Variants in STK35 observed in about 807,000 individuals in gnomAD.
STK35 encodes serine/threonine kinase 35, also known as serine/threonine-protein kinase 35.
A neutral mutation model predicts 37.3 loss-of-function variants in STK35; 17 were observed. That is an observed-to-expected ratio of 0.46 (90% confidence interval 0.31 to 0.68). The LOEUF (loss-of-function observed/expected upper bound fraction) is 0.68. STK35 is among the 30% of genes least tolerant of loss of function. The pLI is 0.05. For missense variants in STK35, 595 were observed against 746.7 expected (o/e 0.80, Z 2.37); for synonymous variants, 385 against 319.1 (o/e 1.21, Z -2.20).
chr20:2,103,452 C>G, intron 2 of STK35, 87 bp downstream of exon 2: 1 of 1,321,462 alleles, frequency 7.6e-7, no homozygotes, highest in Non-Finnish European at 1.0e-6. Context: ...CCTGGCCTTC[C>G]TAGGCCTCAG....
At position 2,116,956 on chromosome 20, in the gene STK35, G is replaced by C; in HGVS notation, c.1183G>C (p.Gly395Arg). The change falls in exon 3 of 4, where the codon GGC (glycine) becomes CGC (arginine). Residue 395 changes from glycine to arginine, a missense_variant. Physicochemically the swap from Gly to Arg is moderately radical, Grantham distance 125. Coordinates refer to ENST00000381482, the MANE Select transcript of STK35 (RefSeq NM_080836.4). ...SKVCAGLAPR[G>R]KEGNQDNKNV... ...GGTCTGTGCTGGGCTGGCACCCCGA[G>C]GCAAAGAGGGCAATCAAGACAACAA... 6.2e-7 allele frequency: 1 copy of C among 1,614,168 alleles called. No individual in the cohort carries two copies. The highest frequency in any genetic ancestry group is 8.5e-7 in the Non-Finnish European group (1 of 1,180,036).
chr20:2,129,952 A>C (rs1428163864), intron 3 of STK35, among the ~76,000 whole-genome samples: 3 of 152,134 alleles, frequency 2.0e-5, no homozygotes, highest in African/African-American at 7.2e-5. Flanking sequence ...GTAGCTGCCC[A>C]GGTTAGGGGA....
chr20:2,110,932 A>G (rs1312580497), intron 2 of STK35, among the ~76,000 whole-genome samples: 2 of 152,208 alleles, frequency 1.3e-5, no homozygotes, highest in African/African-American at 4.8e-5. Flanking sequence ...TCAACTAGGC[A>G]AGTTACTTAA....
intron 3 of STK35, among the ~76,000 whole-genome samples, chr20:2,118,049 GAATAA>G (rs1267397510): frequency 6.6e-6 from 1 of 152,140 alleles, no homozygotes; most frequent in Non-Finnish European, 1.5e-5. Context: ...GGTTTTCAGA[GAATAA>G]ACACTATCTC....
chr20:2,139,723 T>TG (rs1438998188), intron 3 of STK35, among the ~76,000 whole-genome samples: 1 of 152,222 alleles, frequency 6.6e-6, no homozygotes, highest in Non-Finnish European at 1.5e-5. Flanking sequence ...AAAGCAGTGT[T>TG]GCTTTACGAG....
Position 2,145,888 on chromosome 20 carries a change from G to T in STK35, c.*2142G>T, listed in dbSNP as rs1986256677. On this transcript the variant is annotated 3_prime_UTR_variant, in exon 4 of 4. Coordinates refer to ENST00000381482, the MANE Select transcript of STK35 (RefSeq NM_080836.4). ...CCCACACTGTAACATCCCTAGTGAG[G>T]CTCCAGCCTAATGAGCCCCTTATTT... The T allele has an allele frequency of 6.6e-6, 1 of 152,092 alleles. No homozygotes were observed. The highest frequency in any genetic ancestry group is 1.5e-5 in the Non-Finnish European group (1 of 68,036). 9.4% of individuals were successfully genotyped at this position (152,092 alleles called of 1,614,324 possible).
In STK35 at chr20:2,102,108, C is replaced by T. The variant is rs765543919; in HGVS notation, c.227C>T (p.Ala76Val). 2.1e-6 allele frequency: 3 copies of T among 1,450,134 alleles called. No individual in the cohort carries two copies. In the South Asian group the frequency reaches 3.9e-5, roughly 19 times the overall value. The allele number at this position is 1,450,134 out of a possible 1,614,324, so 89.8% of individuals were successfully genotyped here. The change falls in exon 1 of 4, where the codon GCG becomes GTG. Residue 76 changes from alanine (A) to valine (V), a missense_variant. By Grantham distance (64) the Ala-to-Val change is moderately conservative. Around this residue, in one of 3 missense-constraint regions of STK35, gnomAD observed 389 missense variants for 320.0 expected, o/e 1.22. Coordinates refer to ENST00000381482, the MANE Select transcript of STK35 (RefSeq NM_080836.4). Reference protein sequence around the residue: ...ARSRRQPGPGADHPQAGAPGG... With the variant: ...ARSRRQPGPGVDHPQAGAPGG... The stretch of plus-strand genomic sequence containing the variant: ...TCCCGGAGGCAGCCCGGGCCCGGAG[C>T]GGACCATCCCCAGGCAGGGGCTCCA...
intron 3 of STK35, among the ~76,000 whole-genome samples, chr20:2,130,046 G>C (rs547577403): frequency 1.9e-4 from 29 of 152,326 alleles, no homozygotes; most frequent in Admixed American, 2.0e-4. Flanking sequence ...AGGTAGGAAG[G>C]AGTGGCTCAG....
At chr20:2,102,371 G>A (rs1279920133) in intron 1 of STK35, among the ~76,000 whole-genome samples, 196 bp downstream of exon 1, 1 of 152,192 alleles carries the variant, frequency 6.6e-6, no homozygotes, top group Non-Finnish European at 1.5e-5. Context: ...TAATTCAATG[G>A]ACTGTTTACA....
At chr20:2,111,242 A>G (rs1985611922) in intron 2 of STK35, among the ~76,000 whole-genome samples, 1 of 152,114 alleles carries the variant, frequency 6.6e-6, no homozygotes. Flanking sequence ...AACTTGTTTC[A>G]TTGTCCAAGA....
intron 2 of STK35, among the ~76,000 whole-genome samples, chr20:2,104,859 G>C (rs755524636): frequency 1.3e-5 from 2 of 151,940 alleles, no homozygotes; most frequent in South Asian, 2.1e-4. Flanking sequence ...TTTTTGTTTT[G>C]AAAAGACTTC....
Position 2,102,043 on chromosome 20 carries a change from T to C in STK35, c.162T>C (p.Ala54=). The part of the protein sequence containing the change: ...PASAAAAEGS[A]TRRARAATSR... ...GCGCCGCGGCAGCAGAAGGATCCGC[T>C]ACACGCCGGGCTCGGGCCGCCACCT... The change falls in exon 1 of 4, where the codon GCT becomes GCC. Residue 54 remains alanine, a synonymous_variant. Coordinates refer to ENST00000381482, the MANE Select transcript of STK35 (RefSeq NM_080836.4). 2 of 1,525,404 alleles carry C rather than the reference T, an allele frequency of 1.3e-6. No homozygotes were observed. The highest frequency in any genetic ancestry group is 1.8e-6 in the Non-Finnish European group (2 of 1,141,830). 94.5% of individuals were successfully genotyped at this position (1,525,404 alleles called of 1,614,324 possible).
intron 1 of STK35, 142 bp downstream of exon 1, chr20:2,102,317 C>T: frequency 8.5e-7 from 1 of 1,169,682 alleles, no homozygotes; most frequent in Non-Finnish European, 1.1e-6. Flanking sequence ...TTCTACCCGT[C>T]GCCCTCGGGG....
At chr20:2,119,702 G>T (rs6112914) in intron 3 of STK35, among the ~76,000 whole-genome samples, 1 of 152,046 alleles carries the variant, frequency 6.6e-6, no homozygotes, top group Non-Finnish European at 1.5e-5. Flanking sequence ...CTGCTCTTAC[G>T]TTGTGCTGAA....
chr20:2,103,434 ACAC>A, intron 2 of STK35, 69 bp downstream of exon 2: 1 of 1,477,834 alleles, frequency 6.8e-7, no homozygotes. Flanking sequence ...GGCTTGGCCC[ACAC>A]TGTTCCTGGC....
intron 3 of STK35, among the ~76,000 whole-genome samples, chr20:2,120,839 G>A (rs1228904256): frequency 6.6e-6 from 1 of 152,126 alleles, no homozygotes; most frequent in Non-Finnish European, 1.5e-5. Context: ...TCGGTGCTGG[G>A]TGCGGTGAGA....
chr20:2,138,939 G>C (rs183800451), intron 3 of STK35, among the ~76,000 whole-genome samples: 2 of 152,274 alleles, frequency 1.3e-5, no homozygotes, highest in East Asian at 3.9e-4. Flanking sequence ...AGGCAGGAGG[G>C]TTGTTGAGCC....
chr20:2,136,515 C>G (rs761066637), intron 3 of STK35, among the ~76,000 whole-genome samples: 16 of 152,246 alleles, frequency 1.1e-4, no homozygotes, highest in Non-Finnish European at 2.1e-4. Context: ...CCACACCTGG[C>G]TTGCCGGGAT....
At position 2,119,878 on chromosome 20, in the gene STK35, T is replaced by G. The variant is rs574335907; in HGVS notation, c.*37+2463T>G. Among the ~76,000 whole-genome samples, 117 of 152,326 alleles carry G rather than the reference T, an allele frequency of 7.7e-4. 1 individual carries two copies. The highest frequency in any genetic ancestry group is 2.8e-3 in the African/African-American group (115 of 41,586). ...TGGCTCATTCCAAGTTGAGCTTGGT[T>G]TCATGTGTAGTGTTCTCAGTGAATG... On this transcript the variant is annotated intron_variant, in intron 3 of 3. Coordinates refer to ENST00000381482, the MANE Select transcript of STK35 (RefSeq NM_080836.4).
Sources: allele counts gnomAD v4.1 joint callset (sites outside exome capture counted in the v4.1 genomes callset), GRCh38; gene constraint gnomAD v4.1.1; regional missense constraint gnomAD v4.1.1; transcripts MANE v1.5; gene names NCBI Gene and HGNC (gene_info 2026-07-23, HGNC 2026-07-21).